The following SEMA6D variants were observed in gnomAD, a reference collection of about 807,000 sequenced individuals.
SEMA6D encodes the protein semaphorin-6D.
SEMA6D carries 35 observed loss-of-function variants against 106.6 expected under a neutral mutation model. The ratio of observed to expected loss-of-function variants is 0.33; its 90% CI spans 0.25 to 0.44. SEMA6D has a LOEUF of 0.44. SEMA6D is among the 20% of genes least tolerant of loss of function. The probability of loss-of-function intolerance (pLI) is 1.00; values close to 1 mark genes in which losing one functional copy is unlikely to be tolerated. For synonymous variants in SEMA6D, 499 were observed against 487.7 expected, an observed-to-expected ratio of 1.02 and a Z score of -0.31; for missense variants, 1,185 against 1,345.9, an observed-to-expected ratio of 0.88 and a Z score of 1.87.
chr15:47,484,189 T>C (rs1187675984), intron 3 of SEMA6D, among the ~76,000 whole-genome samples: 1 of 152,178 alleles, frequency 6.6e-6, no homozygotes, highest in Non-Finnish European at 1.5e-5. Flanking sequence ...AAGCATACTG[T>C]GGCAGCAGGA....
intron 3 of SEMA6D, among the ~76,000 whole-genome samples, chr15:47,536,010 A>G (rs2045151163): frequency 1.3e-5 from 2 of 152,194 alleles, no homozygotes; most frequent in African/African-American, 2.4e-5. Context: ...AGAGCCTCAA[A>G]TGCTATGCTG....
At chr15:47,708,311 C>T (rs1012353180) in intron 4 of SEMA6D, among the ~76,000 whole-genome samples, 1 of 152,188 alleles carries the variant, frequency 6.6e-6, no homozygotes, top group African/African-American at 2.4e-5. Flanking sequence ...GAACACTAAT[C>T]GTGGCCCCAG....
chr15:47,496,689 G>A (rs541995099), intron 3 of SEMA6D, among the ~76,000 whole-genome samples: 8 of 151,802 alleles, frequency 5.3e-5, no homozygotes, highest in South Asian at 4.2e-4. Context: ...TCATTTTCCC[G>A]GTTTGTTATC....
chr15:47,744,317 C>T (rs1236269818), intron 1 of SEMA6D, among the ~76,000 whole-genome samples: 3 of 152,152 alleles, frequency 2.0e-5, no homozygotes, highest in African/African-American at 7.2e-5. Context: ...GCTAGGCACC[C>T]CAATCCCCAC....
intron 1 of SEMA6D, among the ~76,000 whole-genome samples, chr15:47,296,417 A>G (rs542954127): frequency 2.0e-5 from 3 of 152,350 alleles, no homozygotes; most frequent in African/African-American, 7.2e-5. Flanking sequence ...TAAGTGTGGC[A>G]TGCTGAAAAT....
chr15:47,400,023 A>T (rs1441293025), intron 1 of SEMA6D, among the ~76,000 whole-genome samples: 1 of 152,118 alleles, frequency 6.6e-6, no homozygotes, highest in Non-Finnish European at 1.5e-5. Flanking sequence ...TGTTTTGAAT[A>T]ATTTTATTTT....
At chr15:47,704,416 ACATGATAATT>A (rs1440243484) in intron 4 of SEMA6D, among the ~76,000 whole-genome samples, 1 of 152,214 alleles carries the variant, frequency 6.6e-6, no homozygotes, top group Non-Finnish European at 1.5e-5. Context: ...CTCAGAATAT[ACATGATAATT>A]CATATTTTGA....
In SEMA6D at chr15:47,765,909, T is replaced by A. The variant is rs749233901; in HGVS notation, c.1468T>A (p.Leu490Ile). 7 of 1,554,208 alleles carry A rather than the reference T, an allele frequency of 4.5e-6. No homozygotes were observed. The highest frequency in any genetic ancestry group is 6.1e-6 in the Non-Finnish European group (7 of 1,153,126). Residue 490 changes from leucine (L) to isoleucine (I), a missense_variant, in exon 14 of 19, where the codon TTA (leucine) becomes ATA (isoleucine). Leu to Ile is a conservative substitution (Grantham distance 5, BLOSUM62 2). Around this residue, in one of 3 missense-constraint regions of SEMA6D, gnomAD observed 750 missense variants for 783.5 expected, o/e 0.96. Transcript: ENST00000536845. ...TGAGGAAGACAAAAAGGTCATCTCA[T>A]TACAGTTGGATAAAGATCACCACGC... ...ENEEDKKVISLQLDKDHHALY... is the reference protein window; with the variant it reads ...ENEEDKKVISIQLDKDHHALY...
chr15:47,711,484 T>C (rs1457535040), intron 4 of SEMA6D, among the ~76,000 whole-genome samples: 13 of 152,160 alleles, frequency 8.5e-5, no homozygotes, highest in Non-Finnish European at 1.9e-4. Flanking sequence ...TTCTAGGACA[T>C]AAATGAACCC....
At chr15:47,505,833 A>T (rs1285779009) in intron 3 of SEMA6D, among the ~76,000 whole-genome samples, 3 of 152,156 alleles carry the variant, frequency 2.0e-5, no homozygotes, top group Admixed American at 2.0e-4. Context: ...TCTTCTGTAG[A>T]TTTGAAATTC....
chr15:47,759,585 T>C (rs1424318568), intron 1 of SEMA6D, 160 bp from the exon 2 acceptor site: 3 of 575,926 alleles, frequency 5.2e-6, no homozygotes, highest in African/African-American at 3.8e-5. Flanking sequence ...TGTTGCCATC[T>C]TTTGCCTGTG....
rs59470751 is a variant in SEMA6D, at chr15:47,240,269, C to T, written c.-239+55851C>T. ...GACTTATAGGTTTTTGGCTTGATCTCTGAATGAGGACCTCTGATACAGAAT... is the reference window on the plus strand; with the variant it reads ...GACTTATAGGTTTTTGGCTTGATCTTTGAATGAGGACCTCTGATACAGAAT... On this transcript the variant is annotated intron_variant, in intron 1 of 19. Transcript: ENST00000558014. 4.5e-3 allele frequency among the ~76,000 whole-genome samples: 678 copies of T among 152,210 alleles called. 5 individuals carry two copies. The highest frequency in any genetic ancestry group is 0.016 in the African/African-American group (651 of 41,528).
At chr15:47,216,920 C>T (rs2030673016) in intron 1 of SEMA6D, among the ~76,000 whole-genome samples, 1 of 152,038 alleles carries the variant, frequency 6.6e-6, no homozygotes, top group East Asian at 1.9e-4. Context: ...TTTGTGTCCC[C>T]CTAAATTCAT....
At chr15:47,734,149 G>C (rs189472241) in intron 1 of SEMA6D, among the ~76,000 whole-genome samples, 1 of 152,188 alleles carries the variant, frequency 6.6e-6, no homozygotes. Context: ...TAACTTTCTG[G>C]ATTAGCTCAA....
In SEMA6D at chr15:47,304,745, T is replaced by C. The variant is rs572153117; in HGVS notation, c.-238-107648T>C. Among the ~76,000 whole-genome samples the C allele has an allele frequency of 2.0e-5, 3 of 152,272 alleles. No individual in the cohort carries two copies. In the South Asian group the frequency reaches 6.2e-4, roughly 32 times the overall value. On this transcript the variant is annotated intron_variant, in intron 1 of 19. Transcript: ENST00000558014. ...ATGTATATTTTTTTCCTAAATTGCA[T>C]TGAGTTGAAATTATGAACAAGATTC... is the stretch of plus-strand genomic sequence containing the variant.
At position 47,520,387 on chromosome 15, in the gene SEMA6D, G is replaced by A. The variant is rs114380564; in HGVS notation, c.-87+49842G>A. Reference sequence around the variant, plus strand: ...GGAATCAGGTCCCCTGTGACACAAAGTAGTGGTCTTTTTTTTTCTTCACCA... The same window carrying A: ...GGAATCAGGTCCCCTGTGACACAAAATAGTGGTCTTTTTTTTTCTTCACCA... On this transcript the variant is annotated intron_variant, in intron 3 of 19. Transcript: ENST00000558014. Among the ~76,000 whole-genome samples the A allele has an allele frequency of 6.1e-3, 935 of 152,320 alleles. 10 individuals are homozygous for A. Among genetic ancestry groups the A allele is most frequent in the African/African-American group, 0.021 (857 of 41,556 alleles).
At chr15:47,766,590 G>C (rs751553976) in intron 15 of SEMA6D, 26 bp from the exon 16 acceptor site, 1 of 1,611,122 alleles carries the variant, frequency 6.2e-7, no homozygotes, top group Non-Finnish European at 8.5e-7. Context: ...GTTAACCGAA[G>C]ACTTCTTTGC....
At chr15:47,192,544 A>G (rs1035178193) in intron 1 of SEMA6D, among the ~76,000 whole-genome samples, 1 of 152,204 alleles carries the variant, frequency 6.6e-6, no homozygotes, top group Non-Finnish European at 1.5e-5. Context: ...CTGCCCAAAG[A>G]TGGGAAAAAA....
chr15:47,529,033 A>G (rs2044857422), intron 3 of SEMA6D, among the ~76,000 whole-genome samples: 1 of 152,262 alleles, frequency 6.6e-6, no homozygotes. Context: ...GGGTGAGAAA[A>G]TATAGTCTTA....
Sources: gnomAD v4.1 joint callset for allele counts (sites outside exome capture counted in the v4.1 genomes callset) on GRCh38, gnomAD v4.1.1 for gene constraint, gnomAD v4.1.1 regional missense constraint, MANE v1.5 for transcripts, NCBI Gene and HGNC (gene_info 2026-07-23, HGNC 2026-07-21) for gene names.